Variants in CCDC158 observed in about 807,000 individuals in gnomAD.
CCDC158 encodes coiled-coil domain containing 158, also known as coiled-coil domain-containing protein 158.
Under a neutral mutation model 138.6 loss-of-function variants are expected in CCDC158, and 116 were observed. The ratio of observed to expected loss-of-function variants is 0.84; its 90% confidence interval spans 0.72 to 0.98. The LOEUF (loss-of-function observed/expected upper bound fraction) is 0.98. Among genes scored for constraint, CCDC158 ranks in the 50% least tolerant of loss-of-function variants. The probability of loss-of-function intolerance (pLI) is 0.00; values close to 1 mark genes in which losing one functional copy is unlikely to be tolerated. For synonymous variants in CCDC158, 436 were observed against 442.4 expected (o/e 0.99, Z 0.18); for missense variants, 1,265 against 1,306.1 (o/e 0.97, Z 0.48).
At chr4:76,369,750 CT>C in intron 10 of CCDC158, 127 bp from the exon 11 acceptor site, 1 of 767,260 alleles carries the variant, frequency 1.3e-6, no homozygotes. Flanking sequence ...AATCTGATTC[CT>C]TTTTAATGGC....
intron 18 of CCDC158, among the ~76,000 whole-genome samples, chr4:76,339,038 G>A (rs971671994): frequency 1.7e-4 from 26 of 152,132 alleles, no homozygotes; most frequent in African/African-American, 4.8e-4. Flanking sequence ...TCAAATTCTC[G>A]AAGCCCTCTT....
At chr4:76,364,489 T>C (rs1051395223) in intron 12 of CCDC158, among the ~76,000 whole-genome samples, 2 of 152,220 alleles carry the variant, frequency 1.3e-5, no homozygotes, top group Non-Finnish European at 2.9e-5. Flanking sequence ...TGTATAAAAA[T>C]AGAATATAAA....
intron 1 of CCDC158, among the ~76,000 whole-genome samples, chr4:76,418,172 C>T (rs1402227794): frequency 6.6e-6 from 1 of 152,156 alleles, no homozygotes; most frequent in Non-Finnish European, 1.5e-5. Flanking sequence ...CTAGGAGAAG[C>T]TGGGGCTAGC....
At chr4:76,339,770 T>C (rs1029837159) in intron 18 of CCDC158, among the ~76,000 whole-genome samples, 3 of 152,220 alleles carry the variant, frequency 2.0e-5, no homozygotes, top group East Asian at 1.9e-4. Flanking sequence ...GTGTCTTCCA[T>C]AGAGAGATGC....
intron 12 of CCDC158, among the ~76,000 whole-genome samples, chr4:76,364,288 G>A (rs1724438301): frequency 1.3e-5 from 2 of 152,058 alleles, no homozygotes; most frequent in South Asian, 4.1e-4. Context: ...CTTTGCATAT[G>A]GATTGCCACA....
chr4:76,355,352 A>T lies in CCDC158; in HGVS notation c.2258T>A (p.Leu753Ter). 2 of 1,613,088 alleles carry T rather than the reference A, an allele frequency of 1.2e-6. No individual in the cohort carries two copies. Residue 753 changes from leucine (L) to a stop codon, truncating the protein, a stop_gained, in exon 15 of 25, where the codon TTG (leucine) becomes TAG (stop). Coordinates refer to ENST00000682701, the MANE Select transcript of CCDC158 (RefSeq NM_001394954.1). LOFTEE classifies it high-confidence loss of function. Reference protein sequence around the residue: ...IDALQSKIQFLEEAMTNANKE... With the variant: ...IDALQSKIQF ...ATTTGCATTTGTCATTGCCTCTTCCAAAAACTGTATCTTGCTCTGAAGGGC... is the reference window on the plus strand; with the variant it reads ...ATTTGCATTTGTCATTGCCTCTTCCTAAAACTGTATCTTGCTCTGAAGGGC...
chr4:76,333,070 C>T (rs1021313760), intron 19 of CCDC158, among the ~76,000 whole-genome samples: 1 of 152,062 alleles, frequency 6.6e-6, no homozygotes, highest in African/African-American at 2.4e-5. Flanking sequence ...GTTGGAGTGG[C>T]TAGTGGGACA....
intron 15 of CCDC158, 60 bp from the exon 16 acceptor site, chr4:76,353,341 A>C (rs1210580153): frequency 1.5e-6 from 2 of 1,335,834 alleles, no homozygotes; most frequent in East Asian, 4.8e-5. Flanking sequence ...GCTGAAAGGT[A>C]ATGGAAATAT....
intron 18 of CCDC158, among the ~76,000 whole-genome samples, chr4:76,341,906 C>T (rs1413680707): frequency 1.3e-5 from 2 of 152,092 alleles, no homozygotes; most frequent in Non-Finnish European, 2.9e-5. Flanking sequence ...TAATGAAATA[C>T]AATAATAGTT....
intron 18 of CCDC158, chr4:76,344,645 G>T: frequency 1.3e-6 from 2 of 1,589,588 alleles, no homozygotes; most frequent in African/African-American, 2.7e-5. Context: ...AATTTACAGT[G>T]CACACAAAGA....
chr4:76,400,810 C>A (rs1728303988), intron 3 of CCDC158, among the ~76,000 whole-genome samples: 1 of 151,994 alleles, frequency 6.6e-6, no homozygotes, highest in African/African-American at 2.4e-5. Context: ...AGGCAGTCAG[C>A]CTGATAAGGA....
At chr4:76,327,900 G>A (rs180754456) in intron 22 of CCDC158, among the ~76,000 whole-genome samples, 9 of 152,130 alleles carry the variant, frequency 5.9e-5, no homozygotes, top group Admixed American at 2.6e-4. Context: ...GACCAATTAC[G>A]TGTCTGTTGG....
intron 19 of CCDC158, among the ~76,000 whole-genome samples, chr4:76,333,517 A>G (rs987414392): frequency 6.6e-6 from 1 of 152,228 alleles, no homozygotes; most frequent in African/African-American, 2.4e-5. Flanking sequence ...CTAATATGAT[A>G]TAATCAAATC....
At chr4:76,405,631 A>G (rs1381132674) in intron 2 of CCDC158, among the ~76,000 whole-genome samples, 5 of 152,222 alleles carry the variant, frequency 3.3e-5, no homozygotes, top group Non-Finnish European at 7.3e-5. Context: ...CGATATAAAT[A>G]TTATGTGCAT....
intron 9 of CCDC158, among the ~76,000 whole-genome samples, chr4:76,373,592 A>T (rs1427839143): frequency 1.3e-5 from 2 of 152,172 alleles, no homozygotes; most frequent in Non-Finnish European, 2.9e-5. Flanking sequence ...TATTCAACAC[A>T]TATTGAATTA....
At chr4:76,364,942 A>C (rs1390116904) in intron 12 of CCDC158, among the ~76,000 whole-genome samples, 1 of 152,190 alleles carries the variant, frequency 6.6e-6, no homozygotes, top group Non-Finnish European at 1.5e-5. Flanking sequence ...AATCTGGGCT[A>C]TCTGATCTCT....
intron 8 of CCDC158, 65 bp downstream of exon 8, chr4:76,382,545 A>T: frequency 9.9e-7 from 1 of 1,008,302 alleles, no homozygotes. Flanking sequence ...ATTATAGAAC[A>T]GAAAGTTAAT....
intron 17 of CCDC158, 116 bp downstream of exon 17, chr4:76,351,604 G>C (rs1166740109): frequency 1.5e-6 from 1 of 650,420 alleles, no homozygotes; most frequent in East Asian, 2.7e-5. Context: ...GCTATTAATA[G>C]TATCAAGTAA....
intron 8 of CCDC158, among the ~76,000 whole-genome samples, chr4:76,379,781 C>CAT (rs1439818957): frequency 3.4e-5 from 5 of 145,354 alleles, no homozygotes; most frequent in African/African-American, 1.3e-4. Context: ...CACACACACA[C>CAT]GGTTTGGCTC....
Sources: allele counts gnomAD v4.1 joint callset (sites outside exome capture counted in the v4.1 genomes callset), GRCh38; gene constraint gnomAD v4.1.1; transcripts MANE v1.5; gene names NCBI Gene and HGNC (gene_info 2026-07-23, HGNC 2026-07-21).